TICAM2: variants seen among roughly 807,000 people sequenced by gnomAD.
TICAM2 encodes the protein TIR domain-containing adapter molecule 2.
In TICAM2, 8 loss-of-function variants were observed where a neutral mutation model predicts 7.3. The ratio of observed to expected loss-of-function variants is 1.10; its 90% CI spans 0.65 to 1.99. The LOEUF (loss-of-function observed/expected upper bound fraction) is 1.99. Among genes scored for constraint, TICAM2 ranks in the 30% most tolerant of loss-of-function variants. The pLI is 0.00. For synonymous variants in TICAM2, 113 were observed against 99.6 expected (o/e 1.13, Z -0.80); for missense variants, 304 against 278.8 (o/e 1.09, Z -0.65).
At chr5:115,582,728 T>A (rs1010643224) in intron 1 of TICAM2, among the ~76,000 whole-genome samples, 5 of 152,236 alleles carry the variant, frequency 3.3e-5, no homozygotes, top group African/African-American at 1.2e-4. Context: ...GCATTTCTAC[T>A]TGTTCTTTAT....
chr5:115,597,349 C>G (rs1171306741), intron 1 of TICAM2, among the ~76,000 whole-genome samples: 1 of 152,104 alleles, frequency 6.6e-6, no homozygotes, highest in African/African-American at 2.4e-5. Flanking sequence ...AGTTATATGA[C>G]TATATTTTAT....
chr5:115,580,679 T>C lies in TICAM2; in HGVS notation c.578A>G (p.Asn193Ser), dbSNP rs187702768. The part of the protein sequence containing the change: ...ERTPFALQTI[N>S]ALEEESRGFP... Reference sequence around the variant, plus strand: ...TCCACGACTTTCTTCCTCTAAGGCATTGATGGTTTGGAGGGCAAAGGGAGT... The same window carrying C: ...TCCACGACTTTCTTCCTCTAAGGCACTGATGGTTTGGAGGGCAAAGGGAGT... Residue 193 changes from asparagine to serine, a missense_variant, in exon 2 of 2, where the codon AAT becomes AGT. By Grantham distance (46) the Asn-to-Ser change is conservative. Transcript: ENST00000427199. 42 of 1,591,534 alleles carry C rather than the reference T, an allele frequency of 2.6e-5. No homozygotes were observed. In the African/African-American group the frequency reaches 3.9e-4, roughly 15 times the overall value.
At chr5:115,599,841 G>GT (rs11370541) in intron 1 of TICAM2, among the ~76,000 whole-genome samples, 95,021 of 151,588 alleles carry the variant, frequency 0.63, 31,007 homozygotes, top group African/African-American at 0.83. Context: ...TTGTAAGCCT[G>GT]TTTTTCTTTT....
rs1313617420 is a variant in TICAM2, at chr5:115,580,014, C to G, written c.*535G>C. ...GGTTCTTTTAAAAAGTTCCACCATT[C>G]TCACATCTATTTCTGATTTTATATG... is the stretch of plus-strand genomic sequence containing the variant. On this transcript the variant is annotated 3_prime_UTR_variant, in exon 2 of 2. Transcript: ENST00000427199. 2 of 152,274 alleles carry G rather than the reference C, an allele frequency of 1.3e-5. No individual in the cohort carries two copies. Among genetic ancestry groups the G allele is most frequent in the Non-Finnish European group, 2.9e-5 (2 of 68,078 alleles). 9.4% of individuals were successfully genotyped at this position (152,274 alleles called of 1,614,324 possible). A position where few individuals can be genotyped will look rare whatever the true frequency, so the allele number is the denominator to read the frequency against.
intron 1 of TICAM2, among the ~76,000 whole-genome samples, chr5:115,592,433 G>T (rs1272145618): frequency 6.6e-6 from 1 of 152,120 alleles, no homozygotes; most frequent in Non-Finnish European, 1.5e-5. Flanking sequence ...ATGATGGTTT[G>T]CTGCACAGAT....
intron 1 of TICAM2, among the ~76,000 whole-genome samples, chr5:115,599,743 G>A (rs1294282583): frequency 6.6e-6 from 1 of 152,172 alleles, no homozygotes; most frequent in Non-Finnish European, 1.5e-5. Context: ...CACAATCAGT[G>A]TTACTACAGT....
At position 115,580,883 on chromosome 5, in the gene TICAM2, A is replaced by G; in HGVS notation, c.374T>C (p.Leu125Ser). 1 of 1,613,730 alleles carries G rather than the reference A, an allele frequency of 6.2e-7. No individual in the cohort carries two copies. The highest frequency in any genetic ancestry group is 8.5e-7 in the Non-Finnish European group (1 of 1,179,680). ...TGCAGACCCATTTACAGCATCATCT[A>G]AATTCTGTAAATGCTGTCTGCCACA... ...MPCGRQHLQN[L>S]DDAVNGSAWT... The change falls in exon 2 of 2, where the codon TTA becomes TCA. Residue 125 changes from leucine (L) to serine (S), a missense_variant. Physicochemically the swap from Leu to Ser is moderately radical, Grantham distance 145 (BLOSUM62 -2). Transcript: ENST00000427199.
chr5:115,594,444 A>G (rs577323386), intron 1 of TICAM2, among the ~76,000 whole-genome samples: 40 of 152,370 alleles, frequency 2.6e-4, no homozygotes, highest in African/African-American at 9.4e-4. Context: ...ATGTGTGTTT[A>G]AACGCCAAAT....
Position 115,581,290 on chromosome 5 carries a change from T to C in TICAM2, c.-34A>G, listed in dbSNP as rs746980876. On this transcript the variant is annotated 5_prime_UTR_variant, in exon 2 of 2. Transcript: ENST00000427199. ...TCCAAGGCAGAAGAGGAAAACTTTA[T>C]GTATTTCTCAGCATTTCTTTTCAAT... The C allele has an allele frequency of 1.4e-5, 22 of 1,600,868 alleles. No individual in the cohort carries two copies. The highest frequency in any genetic ancestry group is 2.7e-5 in the African/African-American group (2 of 74,880).
In TICAM2 at chr5:115,580,342, T is replaced by A. The variant is rs1754871562; in HGVS notation, c.*207A>T. 3.3e-6 allele frequency: 2 copies of A among 613,048 alleles called. No individual in the cohort carries two copies. Among genetic ancestry groups the A allele is most frequent in the South Asian group, 1.1e-4 (2 of 18,770 alleles). The allele number at this position is 613,048 out of a possible 1,614,324, so 38.0% of individuals were successfully genotyped here. On this transcript the variant is annotated 3_prime_UTR_variant, in exon 2 of 2. Coordinates refer to ENST00000427199, the MANE Select transcript of TICAM2 (RefSeq NM_021649.7). ...ATTGTGAAAGAAAAGTCCTTGAAAC[T>A]CTGACAATGTCAAGTTTACTGAAAC...
At chr5:115,599,602 C>T (rs1053464415) in intron 1 of TICAM2, among the ~76,000 whole-genome samples, 4 of 152,174 alleles carry the variant, frequency 2.6e-5, no homozygotes, top group African/African-American at 9.6e-5. Flanking sequence ...ACCTACCGCA[C>T]AGGCCCAGCA....
chr5:115,586,490 T>C (rs1202919315), intron 1 of TICAM2, among the ~76,000 whole-genome samples: 1 of 150,200 alleles, frequency 6.7e-6, no homozygotes, highest in African/African-American at 2.4e-5. Context: ...GTAAGGTTGA[T>C]GGGTTGATGG....
chr5:115,595,135 G>A (rs768286110), intron 1 of TICAM2, among the ~76,000 whole-genome samples: 1 of 152,068 alleles, frequency 6.6e-6, no homozygotes, highest in Admixed American at 6.6e-5. Flanking sequence ...TGGGTCAAGC[G>A]AATAGTACCT....
chr5:115,596,685 C>T (rs2127205745), intron 1 of TICAM2, among the ~76,000 whole-genome samples: 1 of 152,258 alleles, frequency 6.6e-6, no homozygotes, highest in Non-Finnish European at 1.5e-5. Context: ...TTTGGGAGGC[C>T]AAGGTGGGTG....
chr5:115,595,996 T>C (rs1031348003), intron 1 of TICAM2, among the ~76,000 whole-genome samples: 1 of 152,200 alleles, frequency 6.6e-6, no homozygotes, highest in African/African-American at 2.4e-5. Flanking sequence ...ACCTGGAAGG[T>C]AGCTTGCACC....
At chr5:115,590,956 G>GT (rs945518944) in intron 1 of TICAM2, among the ~76,000 whole-genome samples, 1 of 152,004 alleles carries the variant, frequency 6.6e-6, no homozygotes, top group Non-Finnish European at 1.5e-5. Context: ...TTCTTGGCCT[G>GT]TTTCTCAAAT....
chr5:115,590,870 T>A (rs1755275826), intron 1 of TICAM2, among the ~76,000 whole-genome samples: 1 of 152,162 alleles, frequency 6.6e-6, no homozygotes, highest in South Asian at 2.1e-4. Context: ...TTTCCCAAGA[T>A]CCATTTAACT....
chr5:115,601,443 C>T (rs1755733726), intron 1 of TICAM2, among the ~76,000 whole-genome samples: 1 of 152,044 alleles, frequency 6.6e-6, no homozygotes, highest in Non-Finnish European at 1.5e-5. Flanking sequence ...AAGTTCTTCT[C>T]CTGTGTAGAC....
At chr5:115,599,304 GC>G (rs1291887943) in intron 1 of TICAM2, among the ~76,000 whole-genome samples, 2 of 151,940 alleles carry the variant, frequency 1.3e-5, no homozygotes, top group African/African-American at 4.8e-5. Context: ...CAAAGTAACT[GC>G]CCCCCACCAA....
Sources: gnomAD v4.1 joint callset for allele counts (sites outside exome capture counted in the v4.1 genomes callset) on GRCh38, gnomAD v4.1.1 for gene constraint, MANE v1.5 for transcripts, NCBI Gene and HGNC (gene_info 2026-07-23, HGNC 2026-07-21) for gene names.